OXR1: variants seen among roughly 807,000 people sequenced by gnomAD.
OXR1 encodes oxidation resistance protein 1.
A neutral mutation model predicts 104.6 loss-of-function variants in OXR1; 41 were observed. The ratio of observed to expected loss-of-function variants is 0.39; its 90% CI spans 0.31 to 0.51. The LOEUF (loss-of-function observed/expected upper bound fraction) is 0.51, where lower values mean the gene tolerates loss of function less well. Among genes scored for constraint, OXR1 ranks in the 20% least tolerant of loss-of-function variants. The probability of loss-of-function intolerance (pLI) is 0.77; values close to 1 mark genes in which losing one functional copy is unlikely to be tolerated. For missense variants in OXR1, 955 were observed against 1,031.9 expected (o/e 0.93, Z 1.02); for synonymous variants, 348 against 348.4 (o/e 1.00, Z 0.01).
At chr8:106,527,412 G>C (rs1241570763) in intron 3 of OXR1, among the ~76,000 whole-genome samples, 1 of 152,122 alleles carries the variant, frequency 6.6e-6, no homozygotes, top group Non-Finnish European at 1.5e-5. Flanking sequence ...AAATAAGGTT[G>C]TTACTCTATA....
chr8:106,697,892 C>T, intron 7 of OXR1: 1 of 1,612,402 alleles, frequency 6.2e-7, no homozygotes, highest in East Asian at 2.2e-5. Flanking sequence ...CGGCCCACAT[C>T]CTTTCGGCAC....
intron 8 of OXR1, among the ~76,000 whole-genome samples, chr8:106,705,303 G>A (rs1316705364): frequency 6.6e-6 from 1 of 151,932 alleles, no homozygotes; most frequent in Non-Finnish European, 1.5e-5. Flanking sequence ...GTTTTTTTAA[G>A]ATGAATCAGA....
chr8:106,661,316 G>C (rs754527513), intron 3 of OXR1, among the ~76,000 whole-genome samples: 2 of 152,138 alleles, frequency 1.3e-5, no homozygotes, highest in Non-Finnish European at 2.9e-5. Context: ...GCTCTTACCA[G>C]CTTTTAGTGC....
chr8:106,303,839 T>G (rs781590937), intron 1 of OXR1, among the ~76,000 whole-genome samples: 1 of 152,224 alleles, frequency 6.6e-6, no homozygotes, highest in Non-Finnish European at 1.5e-5. Flanking sequence ...TACCAGTGAT[T>G]TAATAAGTAT....
chr8:106,343,627 A>C (rs1216096505), intron 1 of OXR1, among the ~76,000 whole-genome samples: 6 of 152,234 alleles, frequency 3.9e-5, no homozygotes, highest in Admixed American at 2.6e-4. Flanking sequence ...CCCCAAAGGA[A>C]TCACCATTGC....
chr8:106,706,791 G>T lies in OXR1; in HGVS notation c.1270G>T (p.Asp424Tyr). The T allele has an allele frequency of 6.2e-7, 1 of 1,612,662 alleles. No individual in the cohort carries two copies. The highest frequency in any genetic ancestry group is 8.5e-7 in the Non-Finnish European group (1 of 1,179,622). The change falls in exon 9 of 17, where the codon GAT (aspartate) becomes TAT (tyrosine). Residue 424 changes from aspartate to tyrosine, a missense_variant. Around this residue, in one of 2 missense-constraint regions of OXR1, gnomAD observed 849 missense variants for 852.9 expected, o/e 1.00. Transcript: ENST00000517566. The part of the protein sequence containing the change: ...LNNLEMAIKE[D>Y]QIADNFQGIS... ...TAATCTTGAAATGGCCATTAAGGAA[G>T]ATCAGATTGCAGATAACTTTCAAGG...
chr8:106,752,016 A>G lies in OXR1; in HGVS notation c.*1075A>G, dbSNP rs1034620549. The G allele has an allele frequency of 7.9e-5, 12 of 152,546 alleles. No individual in the cohort carries two copies. The highest frequency in any genetic ancestry group is 2.9e-4 in the African/African-American group (12 of 41,458). 9.4% of individuals were successfully genotyped at this position (152,546 alleles called of 1,614,324 possible). On this transcript the variant is annotated 3_prime_UTR_variant, in exon 17 of 17. Transcript: ENST00000517566. ...AACTTACTGTCAAGTGACCTCAAAAAAAAAATGAAAAGATAGAATACACTA... is the reference window on the plus strand; with the variant it reads ...AACTTACTGTCAAGTGACCTCAAAAGAAAAATGAAAAGATAGAATACACTA...
At chr8:106,656,842 AGGGTGT>A (rs1329028373) in intron 3 of OXR1, among the ~76,000 whole-genome samples, 1 of 146,714 alleles carries the variant, frequency 6.8e-6, no homozygotes, top group Non-Finnish European at 1.5e-5. Context: ...AAAAAAAAAG[AGGGTGT>A]GTGTTTGTCA....
chr8:106,339,519 A>AAAAATATAT (rs869120573), intron 1 of OXR1, among the ~76,000 whole-genome samples: 4 of 33,338 alleles, frequency 1.2e-4, no homozygotes, highest in Non-Finnish European at 1.6e-4. Context: ...AAAAAAAAAA[A>AAAAATATAT]ATATATATAT....
At position 106,662,779 on chromosome 8, in the gene OXR1, T is replaced by C. The variant is rs186124401; in HGVS notation, c.221-16431T>C. On this transcript the variant is annotated intron_variant, in intron 3 of 16. Transcript: ENST00000517566. Reference sequence around the variant, plus strand: ...ATAAGAAGGGTTTCTAACCTAATATTGGGGGGTGTAAAATATCATGTTTTG... The same window carrying C: ...ATAAGAAGGGTTTCTAACCTAATATCGGGGGGTGTAAAATATCATGTTTTG... Among the ~76,000 whole-genome samples the C allele has an allele frequency of 3.5e-4, 54 of 152,140 alleles. No homozygotes were observed. The East Asian group carries it at 0.01, about 29-fold the overall frequency.
chr8:106,519,859 C>G (rs1027808832), intron 3 of OXR1, among the ~76,000 whole-genome samples: 2 of 152,096 alleles, frequency 1.3e-5, no homozygotes, highest in African/African-American at 4.8e-5. Flanking sequence ...ATCAAATTAC[C>G]AACTTTAGTG....
At chr8:106,511,587 A>C (rs1812535341) in intron 2 of OXR1, among the ~76,000 whole-genome samples, 1 of 152,190 alleles carries the variant, frequency 6.6e-6, no homozygotes, top group Admixed American at 6.5e-5. Context: ...GTGAATATAC[A>C]AATGAATAAG....
chr8:106,448,695 C>T (rs1820141404), intron 2 of OXR1, among the ~76,000 whole-genome samples: 1 of 152,056 alleles, frequency 6.6e-6, no homozygotes, highest in South Asian at 2.1e-4. Flanking sequence ...CGGCATAGAC[C>T]TCATTACAGG....
intron 3 of OXR1, among the ~76,000 whole-genome samples, chr8:106,599,873 A>G (rs1819832085): frequency 6.6e-6 from 1 of 151,976 alleles, no homozygotes; most frequent in South Asian, 2.1e-4. Flanking sequence ...TCTGGATGAA[A>G]CTGTTCCACC....
intron 6 of OXR1, among the ~76,000 whole-genome samples, chr8:106,690,464 A>T (rs1829166644): frequency 6.6e-6 from 1 of 151,316 alleles, no homozygotes; most frequent in South Asian, 2.1e-4. Flanking sequence ...TGAAAAATTA[A>T]ACTTTATAAT....
intron 1 of OXR1, among the ~76,000 whole-genome samples, chr8:106,310,284 ACTT>A (rs947646035): frequency 2.0e-5 from 3 of 151,280 alleles, no homozygotes; most frequent in African/African-American, 7.3e-5. Context: ...AATATAAACA[ACTT>A]CTCAATAACT....
chr8:106,403,385 A>G (rs1333438896), intron 2 of OXR1, among the ~76,000 whole-genome samples: 1 of 152,224 alleles, frequency 6.6e-6, no homozygotes, highest in African/African-American at 2.4e-5. Context: ...CCTCTGCCAC[A>G]CTGCAGTTCA....
intron 3 of OXR1, among the ~76,000 whole-genome samples, chr8:106,559,159 A>AC (rs1166569179): frequency 2.0e-5 from 3 of 152,218 alleles, no homozygotes; most frequent in Non-Finnish European, 2.9e-5. Flanking sequence ...TCCACAAAAC[A>AC]CTGGGACACG....
At chr8:106,670,863 A>G (rs941047752) in intron 3 of OXR1, among the ~76,000 whole-genome samples, 15 of 151,958 alleles carry the variant, frequency 9.9e-5, no homozygotes, top group African/African-American at 3.6e-4. Flanking sequence ...TGGCTGGCCA[A>G]CATGGGGAAA....
Sources: allele counts gnomAD v4.1 joint callset (sites outside exome capture counted in the v4.1 genomes callset), GRCh38; gene constraint gnomAD v4.1.1; regional missense constraint gnomAD v4.1.1; transcripts MANE v1.5; gene names NCBI Gene and HGNC (gene_info 2026-07-23, HGNC 2026-07-21).